The following WDFY2 variants were observed in gnomAD, a reference collection of about 807,000 sequenced individuals.
WDFY2 encodes WD repeat and FYVE domain-containing protein 2.
Under a neutral mutation model 56.4 loss-of-function variants are expected in WDFY2, and 36 were observed. The observed-to-expected ratio is 0.64, with a 90% CI of 0.49 to 0.84. WDFY2 has a LOEUF of 0.84. Ranked by LOEUF, WDFY2 falls within the 40% of genes least tolerant of loss-of-function variation. The pLI is 0.00. For missense variants in WDFY2, 444 were observed against 512.2 expected, an observed-to-expected ratio of 0.87 and a Z score of 1.29; for synonymous variants, 176 against 183.7, an observed-to-expected ratio of 0.96 and a Z score of 0.34.
chr13:51,751,207 G>A (rs999197321), intron 7 of WDFY2, 103 bp from the exon 8 acceptor site: 3 of 990,406 alleles, frequency 3.0e-6, no homozygotes, highest in East Asian at 2.7e-5. Context: ...TACACTGGGG[G>A]CTCGGAGTGA....
intron 7 of WDFY2, among the ~76,000 whole-genome samples, chr13:51,750,385 A>G (rs1394528051): frequency 1.3e-5 from 2 of 152,198 alleles, no homozygotes; most frequent in Non-Finnish European, 2.9e-5. Flanking sequence ...ATAGACACAC[A>G]CAGCTTAATA....
Position 51,694,925 on chromosome 13 carries a change from A to T in WDFY2, c.280-8671A>T, listed in dbSNP as rs561193280. Among the ~76,000 whole-genome samples, 330 of 151,208 alleles carry T rather than the reference A, an allele frequency of 2.2e-3. 2 individuals are homozygous for T. The highest frequency in any genetic ancestry group is 6.1e-3 in the African/African-American group (249 of 40,792). ...TAAACTTCCCTTCTCACTTCATTTC[A>T]TTCATTTGATCTTCCATCACTGATA... On this transcript the variant is annotated intron_variant, in intron 3 of 11. Coordinates refer to ENST00000298125, the MANE Select transcript of WDFY2 (RefSeq NM_052950.4).
intron 3 of WDFY2, among the ~76,000 whole-genome samples, chr13:51,701,471 A>G (rs1951982468): frequency 6.6e-6 from 1 of 150,902 alleles, no homozygotes; most frequent in Non-Finnish European, 1.5e-5. Context: ...CAGTGAGCCA[A>G]GATCACGCCA....
chr13:51,653,347 C>T (rs536705876), intron 1 of WDFY2, among the ~76,000 whole-genome samples: 8 of 152,272 alleles, frequency 5.3e-5, no homozygotes, highest in Admixed American at 2.6e-4. Flanking sequence ...GCCATGGGTT[C>T]GAACTTCCTC....
At chr13:51,725,045 A>G (rs1952575776) in intron 5 of WDFY2, among the ~76,000 whole-genome samples, 1 of 152,192 alleles carries the variant, frequency 6.6e-6, no homozygotes, top group African/African-American at 2.4e-5. Flanking sequence ...ATGTGTGTGT[A>G]TTTTTTAAAA....
chr13:51,695,571 G>A (rs1951851052), intron 3 of WDFY2, among the ~76,000 whole-genome samples: 1 of 152,202 alleles, frequency 6.6e-6, no homozygotes, highest in Admixed American at 6.5e-5. Context: ...ACCCAGCTGT[G>A]TGAGGTGTCA....
intron 4 of WDFY2, among the ~76,000 whole-genome samples, chr13:51,713,506 C>T (rs1174681763): frequency 6.6e-6 from 1 of 152,088 alleles, no homozygotes; most frequent in Non-Finnish European, 1.5e-5. Flanking sequence ...ATTATTCAAC[C>T]TTAAAAGGGT....
At chr13:51,701,557 CA>C (rs1313406491) in intron 3 of WDFY2, among the ~76,000 whole-genome samples, 5 of 147,316 alleles carry the variant, frequency 3.4e-5, no homozygotes, top group African/African-American at 1.2e-4. Context: ...CAAAAGCTGA[CA>C]AAATCTAAAT....
intron 4 of WDFY2, among the ~76,000 whole-genome samples, chr13:51,710,029 A>C (rs149474573): frequency 0.04 from 6,060 of 152,312 alleles, 179 homozygotes; most frequent in Middle Eastern, 0.068. Context: ...ATCAGTGCAA[A>C]AATCCTCAAT....
chr13:51,602,931 C>T (rs1406120686), intron 1 of WDFY2, among the ~76,000 whole-genome samples: 7 of 152,162 alleles, frequency 4.6e-5, no homozygotes, highest in Admixed American at 4.6e-4. Context: ...CCCCTACTCC[C>T]AGCTCTGCCC....
intron 8 of WDFY2, among the ~76,000 whole-genome samples, chr13:51,753,813 C>T (rs764817916): frequency 4.6e-5 from 7 of 151,756 alleles, no homozygotes; most frequent in Admixed American, 2.0e-4. Context: ...CAGCCGGGCA[C>T]GGTGGCTCAC....
intron 7 of WDFY2, among the ~76,000 whole-genome samples, chr13:51,745,973 C>CTTTTTTTTTTTTTTTTT (rs59572351): frequency 1.9e-4 from 19 of 100,720 alleles, no homozygotes; most frequent in African/African-American, 2.7e-4. Context: ...TTTTCTTTTT[C>CTTTTTTTTTTTTTTTTT]TTTTTTTTTT....
intron 7 of WDFY2, among the ~76,000 whole-genome samples, chr13:51,746,941 C>T (rs1448032601): frequency 6.6e-6 from 1 of 152,230 alleles, no homozygotes; most frequent in Non-Finnish European, 1.5e-5. Context: ...TGCATCCAGA[C>T]TAAAAAGGGT....
At chr13:51,661,343 T>C (rs1029088792) in intron 2 of WDFY2, among the ~76,000 whole-genome samples, 13 of 152,230 alleles carry the variant, frequency 8.5e-5, no homozygotes, top group Admixed American at 2.0e-4. Flanking sequence ...TTGGGCATCC[T>C]ATCCCATGTT....
In WDFY2 at chr13:51,762,640, A is replaced by G. The variant is rs1178511777; in HGVS notation, c.*2871A>G. 6.6e-6 allele frequency: 1 copy of G among 152,204 alleles called. No individual in the cohort carries two copies. Among genetic ancestry groups the G allele is most frequent in the Non-Finnish European group, 1.5e-5 (1 of 68,032 alleles). 9.4% of individuals were successfully genotyped at this position (152,204 alleles called of 1,614,324 possible). A position where few individuals can be genotyped will look rare whatever the true frequency, so the allele number is the denominator to read the frequency against. The stretch of plus-strand genomic sequence containing the variant: ...AGCATTTTATGGAAATGGAGGCTCC[A>G]TTCCTTAGGAGTAAAAGCTGGCGCC... On this transcript the variant is annotated 3_prime_UTR_variant, in exon 12 of 12. Transcript: ENST00000298125.
chr13:51,732,688 A>G (rs1428891114), intron 6 of WDFY2, among the ~76,000 whole-genome samples: 1 of 152,228 alleles, frequency 6.6e-6, no homozygotes, highest in East Asian at 1.9e-4. Context: ...AAGTTCATAT[A>G]GTTTAGAACT....
chr13:51,695,972 C>CTAG (rs1177363490), intron 3 of WDFY2, among the ~76,000 whole-genome samples: 1 of 152,220 alleles, frequency 6.6e-6, no homozygotes, highest in Non-Finnish European at 1.5e-5. Context: ...GCGTAGGACC[C>CTAG]TCCGAGCCAG....
In WDFY2 at chr13:51,676,023, T is replaced by C. The variant is rs558974077; in HGVS notation, c.279+780T>C. Among the ~76,000 whole-genome samples, 33 of 152,312 alleles carry C rather than the reference T, an allele frequency of 2.2e-4. 1 individual carries two copies. In the East Asian group the frequency reaches 5.8e-3, roughly 27 times the overall value. ...TCAGAACCTATGAATTAGAAGGCCC[T>C]GCTCTGCTCACACTTCCCCACAGGG... is the stretch of plus-strand genomic sequence containing the variant. On this transcript the variant is annotated intron_variant, in intron 3 of 11. Coordinates refer to ENST00000298125, the MANE Select transcript of WDFY2 (RefSeq NM_052950.4).
chr13:51,758,305 G>A lies in WDFY2; in HGVS notation c.1173+5G>A, dbSNP rs373154740. Reference sequence around the variant, plus strand: ...GGAACTGACAAGGTTATTAAGGTAAGATGCCATCTTATTAAGAAGCTTTCC... The same window carrying A: ...GGAACTGACAAGGTTATTAAGGTAAAATGCCATCTTATTAAGAAGCTTTCC... On this transcript the variant is annotated splice_donor_5th_base_variant and intron_variant, in intron 11 of 11. Coordinates refer to ENST00000298125, the MANE Select transcript of WDFY2 (RefSeq NM_052950.4). The A allele has an allele frequency of 3.8e-6, 6 of 1,573,202 alleles. No individual in the cohort carries two copies. In the African/African-American group the frequency reaches 8.1e-5, roughly 21 times the overall value.
Sources: allele counts gnomAD v4.1 joint callset (sites outside exome capture counted in the v4.1 genomes callset), GRCh38; gene constraint gnomAD v4.1.1; transcripts MANE v1.5; gene names NCBI Gene and HGNC (gene_info 2026-07-23, HGNC 2026-07-21).